The following WDR59 variants were observed in gnomAD, a reference collection of about 807,000 sequenced individuals.
The protein encoded by WDR59 is WD repeat domain 59.
Under a neutral mutation model 131.2 loss-of-function variants are expected in WDR59, and 100 were observed. The observed-to-expected ratio is 0.76, with a 90% CI of 0.65 to 0.90. The LOEUF (loss-of-function observed/expected upper bound fraction) is 0.90. Ranked by LOEUF, WDR59 falls within the 40% of genes least tolerant of loss-of-function variation. WDR59 has a pLI of 0.00. For missense variants in WDR59, 1,203 were observed against 1,262.2 expected, an observed-to-expected ratio of 0.95 and a Z score of 0.71; for synonymous variants, 601 against 466.2, an observed-to-expected ratio of 1.29 and a Z score of -3.72.
intron 1 of WDR59, among the ~76,000 whole-genome samples, chr16:74,976,503 C>A (rs1046486243): frequency 6.7e-6 from 1 of 149,998 alleles, no homozygotes; most frequent in African/African-American, 2.5e-5. Context: ...AGTCCAAGGG[C>A]GCAATCTTGG....
In WDR59 at chr16:74,955,669, T is replaced by G. The variant is rs535188828; in HGVS notation, c.240+806A>C. Among the ~76,000 whole-genome samples, 3 of 152,268 alleles carry G rather than the reference T, an allele frequency of 2.0e-5. No homozygotes were observed. In the East Asian group the frequency reaches 5.8e-4, roughly 29 times the overall value. ...TCAAGCTGACAAAGTTGCTCTTCTT[T>G]CCTTGCTCAGTTGCTTTCCTTCTGC... On this transcript the variant is annotated intron_variant, in intron 3 of 25. Transcript: ENST00000262144.
chr16:74,969,429 C>T (rs1354869644), intron 1 of WDR59, among the ~76,000 whole-genome samples: 2 of 151,884 alleles, frequency 1.3e-5, no homozygotes, highest in East Asian at 1.9e-4. Flanking sequence ...CATGCCACTA[C>T]GCTCGGCTAA....
intron 2 of WDR59, among the ~76,000 whole-genome samples, chr16:74,964,995 C>T (rs536795282): frequency 3.4e-4 from 51 of 151,644 alleles, no homozygotes; most frequent in Non-Finnish European, 6.9e-4. Context: ...ACACAGGAGG[C>T]AGAGGTTGCA....
chr16:74,923,982 G>A lies in WDR59; in HGVS notation c.673C>T (p.Arg225Trp). The change falls in exon 9 of 26, where the codon CGG becomes TGG. Residue 225 changes from arginine to tryptophan, a missense_variant. Physicochemically the swap from Arg to Trp is moderately radical, Grantham distance 101 (BLOSUM62 -3). Transcript: ENST00000262144. ...CAAGGAAGAATATTGAGGTATTTCC[G>A]AGGCTGGCGGTAATCCCAGAACTAG... ...SVKFWDYRQPRKYLNILPCQV... is the reference protein window; with the variant it reads ...SVKFWDYRQPWKYLNILPCQV... The A allele has an allele frequency of 7.4e-6, 12 of 1,613,572 alleles. No individual in the cohort carries two copies. Among genetic ancestry groups the A allele is most frequent in the Non-Finnish European group, 1.0e-5 (12 of 1,179,954 alleles).
At chr16:74,976,904 G>T (rs1308592969) in intron 1 of WDR59, among the ~76,000 whole-genome samples, 1 of 152,066 alleles carries the variant, frequency 6.6e-6, no homozygotes, top group Non-Finnish European at 1.5e-5. Flanking sequence ...CTACTTAAGA[G>T]GCCAAGGCAG....
intron 2 of WDR59, among the ~76,000 whole-genome samples, chr16:74,965,320 T>C (rs550103065): frequency 6.6e-6 from 1 of 152,306 alleles, no homozygotes; most frequent in East Asian, 1.9e-4. Context: ...ATTCAGTTCC[T>C]TCATGATGAA....
intron 18 of WDR59, among the ~76,000 whole-genome samples, chr16:74,902,638 T>C (rs2059267): frequency 0.45 from 68,552 of 151,604 alleles, 17,348 homozygotes; most frequent in African/African-American, 0.71. Flanking sequence ...GCCTCTTGGA[T>C]TGAAAGACCT....
At chr16:74,898,225 T>C (rs904500353) in intron 18 of WDR59, among the ~76,000 whole-genome samples, 7 of 152,192 alleles carry the variant, frequency 4.6e-5, no homozygotes, top group Non-Finnish European at 8.8e-5. Flanking sequence ...TAAGGTGTGG[T>C]TGATCTTTCT....
At chr16:74,980,439 C>T (rs1030095076) in intron 1 of WDR59, among the ~76,000 whole-genome samples, 1 of 150,380 alleles carries the variant, frequency 6.6e-6, no homozygotes, top group Non-Finnish European at 1.5e-5. Context: ...CTGCAACCTC[C>T]GCCTCCCAGG....
intron 25 of WDR59, among the ~76,000 whole-genome samples, chr16:74,875,045 G>A (rs552420721): frequency 2.7e-4 from 41 of 152,310 alleles, no homozygotes; most frequent in African/African-American, 9.9e-4. Context: ...CCCGACGGCT[G>A]GCAGGGCCTG....
intron 18 of WDR59, among the ~76,000 whole-genome samples, chr16:74,901,128 G>C (rs115320899): frequency 0.025 from 3,744 of 152,062 alleles, 75 homozygotes; most frequent in African/African-American, 0.048. Context: ...CTCTATACTG[G>C]CTGGGTGAGA....
chr16:74,905,276 G>T (rs1257847206), intron 17 of WDR59, among the ~76,000 whole-genome samples: 1 of 152,238 alleles, frequency 6.6e-6, no homozygotes, highest in South Asian at 2.1e-4. Flanking sequence ...TCGGGAGGTT[G>T]AGGCAGGAGA....
At chr16:74,942,913 G>T in intron 6 of WDR59, 87 bp from the exon 7 acceptor site, 1 of 1,224,878 alleles carries the variant, frequency 8.2e-7, no homozygotes, top group Non-Finnish European at 1.2e-6. Context: ...TGGATAATGA[G>T]TTCTGGCTGA....
chr16:74,888,413 G>A, intron 21 of WDR59, 94 bp from the exon 22 acceptor site: 1 of 1,314,718 alleles, frequency 7.6e-7, no homozygotes, highest in Non-Finnish European at 1.0e-6. Context: ...CACAGGGGTG[G>A]GAAGGGAGGA....
At chr16:74,961,162 A>G (rs1004503459) in intron 2 of WDR59, among the ~76,000 whole-genome samples, 4 of 151,806 alleles carry the variant, frequency 2.6e-5, no homozygotes, top group African/African-American at 2.4e-5. Context: ...AAACTTAGCC[A>G]GACAGGCGTG....
chr16:74,887,780 A>C, intron 22 of WDR59, 25 bp from the exon 23 acceptor site: 1 of 1,603,836 alleles, frequency 6.2e-7, no homozygotes, highest in South Asian at 1.1e-5. Context: ...AGAAGAACCA[A>C]CAGGACTAGC....
chr16:74,949,569 T>C, intron 5 of WDR59, 149 bp downstream of exon 5: 1 of 644,788 alleles, frequency 1.6e-6, no homozygotes, highest in South Asian at 1.9e-5. Context: ...TGTCTTTCAC[T>C]CTCAAATAAT....
rs191801404 is a variant in WDR59 at position 74,902,482 on chromosome 16, A to G, written c.1866+1465T>C. Among the ~76,000 whole-genome samples the G allele has an allele frequency of 3.7e-3, 563 of 152,326 alleles. 1 individual carries two copies. The highest frequency in any genetic ancestry group is 0.013 in the African/African-American group (527 of 41,564). On this transcript the variant is annotated intron_variant, in intron 18 of 25. Coordinates refer to ENST00000262144, the MANE Select transcript of WDR59 (RefSeq NM_030581.4). ...AAAAACATGGACACAGGCTTAAAAGAGGCCTCATCTTGGAACTGGAGTTAT... is the reference window on the plus strand; with the variant it reads ...AAAAACATGGACACAGGCTTAAAAGGGGCCTCATCTTGGAACTGGAGTTAT...
At chr16:74,883,559 T>C (rs1964619583) in intron 25 of WDR59, among the ~76,000 whole-genome samples, 1 of 152,206 alleles carries the variant, frequency 6.6e-6, no homozygotes, top group African/African-American at 2.4e-5. Flanking sequence ...GGTGAGGTCC[T>C]GGAGAAGAGG....
Sources: allele counts gnomAD v4.1 joint callset (sites outside exome capture counted in the v4.1 genomes callset), GRCh38; gene constraint gnomAD v4.1.1; transcripts MANE v1.5; gene names NCBI Gene and HGNC (gene_info 2026-07-23, HGNC 2026-07-21).